FLT4: variants seen among roughly 807,000 people sequenced by gnomAD.
The protein encoded by FLT4 is vascular endothelial growth factor receptor 3.
FLT4 carries 30 observed loss-of-function variants against 163.2 expected under a neutral mutation model. The ratio of observed to expected loss-of-function variants is 0.18; its 90% confidence interval spans 0.14 to 0.25. The LOEUF (loss-of-function observed/expected upper bound fraction) is 0.25. Ranked by LOEUF, FLT4 falls within the 10% of genes least tolerant of loss-of-function variation. The pLI is 1.00. For synonymous variants in FLT4, 884 were observed against 789.5 expected (o/e 1.12, Z -2.01); for missense variants, 1,510 against 1,863.8 (o/e 0.81, Z 3.50).
rs751885535 is a variant in FLT4, at chr5:180,630,599, C to T, written c.356G>A (p.Arg119His). ...YVCYYKYIKARIEGTTAASSY... is the reference protein window; with the variant it reads ...YVCYYKYIKAHIEGTTAASSY... The stretch of plus-strand genomic sequence containing the variant: ...GCTGGCGGCCGTGGTGCCCTCGATG[C>T]GTGCCTTGATGTACTTGTAGTAGCA... The change falls in exon 3 of 30, where the codon CGC becomes CAC. Residue 119 changes from arginine (R) to histidine (H), a missense_variant. Transcript: ENST00000261937. The surrounding 1 kb of genome is among the most constrained non-coding windows in gnomAD (Gnocchi z 6.3). The T allele has an allele frequency of 1.5e-5, 25 of 1,612,910 alleles. No individual in the cohort carries two copies. The highest frequency in any genetic ancestry group is 4.0e-5 in the African/African-American group (3 of 74,912).
At position 180,630,042 on chromosome 5, in the gene FLT4, C is replaced by G. The variant is rs778477946; in HGVS notation, c.577G>C (p.Val193Leu). 1.2e-6 allele frequency: 2 copies of G among 1,612,782 alleles called. No individual in the cohort carries two copies. The highest frequency in any genetic ancestry group is 1.7e-6 in the Non-Finnish European group (2 of 1,179,990). Residue 193 changes from valine to leucine, a missense_variant, in exon 5 of 30, where the codon GTG (valine) becomes CTG (leucine). By Grantham distance (32) the Val-to-Leu change is conservative. Around this residue, in one of 5 missense-constraint regions of FLT4, gnomAD observed 163 missense variants for 281.1 expected, o/e 0.58. Transcript: ENST00000261937. This position sits in a 1 kb window ranked among gnomAD's most constrained non-coding sequence, Gnocchi z 6.3. ...GCATCGTGCAGCAGTGGCGTGGACA[C>G]GAGCATGCCCCGCCGGTCATCCCAC... The part of the protein sequence containing the change: ...VVWDDRRGML[V>L]STPLLHDALY...
At chr5:180,614,878 C>A (rs1383913209) in intron 23 of FLT4, among the ~76,000 whole-genome samples, 1 of 152,174 alleles carries the variant, frequency 6.6e-6, no homozygotes, top group Non-Finnish European at 1.5e-5. Context: ...CCTCTGACAC[C>A]CTTTCTCCCC....
In FLT4 at chr5:180,629,122, G is replaced by GC. The variant is rs1763882895; in HGVS notation, c.986-124dup. ...TCCGCAGACTGGGGCTGGCCATGCC[G>GC]CCCGGTGCAGGAGCTGGGCAGCTCC... On this transcript the variant is annotated intron_variant, in intron 7 of 29. Coordinates refer to ENST00000261937, the MANE Select transcript of FLT4 (RefSeq NM_182925.5). The GC allele has an allele frequency of 4.2e-6, 6 of 1,442,886 alleles. No individual in the cohort carries two copies. The East Asian group carries it at 1.4e-4, about 33-fold the overall frequency. 89.4% of individuals were successfully genotyped at this position (1,442,886 alleles called of 1,614,324 possible).
chr5:180,620,335 G>A lies in FLT4; in HGVS notation c.2407-27C>T, dbSNP rs1328175914. The A allele has an allele frequency of 1.2e-6, 2 of 1,608,248 alleles. No homozygotes were observed. The highest frequency in any genetic ancestry group is 1.7e-6 in the Non-Finnish European group (2 of 1,179,864). On this transcript the variant is annotated intron_variant, in intron 16 of 29. Transcript: ENST00000261937. The surrounding 1 kb of genome is among the most constrained non-coding windows in gnomAD (Gnocchi z 4.4). Reference sequence around the variant, plus strand: ...TGCGGGGAGGGGACAGGGAGGAGTGGGGCAGCTCACTGATTTGGCCATACC... The same window carrying A: ...TGCGGGGAGGGGACAGGGAGGAGTGAGGCAGCTCACTGATTTGGCCATACC...
At chr5:180,606,888 T>A (rs1172443809) in intron 29 of FLT4, among the ~76,000 whole-genome samples, 64 of 101,350 alleles carry the variant, frequency 6.3e-4, no homozygotes, top group Non-Finnish European at 2.0e-4. Flanking sequence ...AAACCCCGTC[T>A]CTACTAAAAA....
At position 180,630,115 on chromosome 5, in the gene FLT4, C is replaced by T; in HGVS notation, c.514-10G>A. The T allele has an allele frequency of 1.2e-6, 2 of 1,612,026 alleles. No homozygotes were observed. Among genetic ancestry groups the T allele is most frequent in the Non-Finnish European group, 1.7e-6 (2 of 1,179,686 alleles). ...ACAGCACCGAGCTTTGCTGGAGGGACAAGGCCACCATCATTGCCCAGCTGC... is the reference window on the plus strand; with the variant it reads ...ACAGCACCGAGCTTTGCTGGAGGGATAAGGCCACCATCATTGCCCAGCTGC... On this transcript the variant is annotated splice_polypyrimidine_tract_variant and intron_variant, in intron 4 of 29. Transcript: ENST00000261937. The surrounding 1 kb of genome is among the most constrained non-coding windows in gnomAD (Gnocchi z 6.3).
At chr5:180,638,694 T>C (rs1006780681) in intron 1 of FLT4, among the ~76,000 whole-genome samples, 3 of 152,172 alleles carry the variant, frequency 2.0e-5, no homozygotes, top group African/African-American at 4.8e-5. Context: ...TGCCTCCAGA[T>C]TGTTCTGTGC....
At chr5:180,638,166 G>C (rs755443753) in intron 1 of FLT4, among the ~76,000 whole-genome samples, 5 of 152,162 alleles carry the variant, frequency 3.3e-5, no homozygotes, top group Non-Finnish European at 7.3e-5. Context: ...ACACCTCCCA[G>C]GTCTCTAGCT....
intron 1 of FLT4, among the ~76,000 whole-genome samples, chr5:180,641,048 C>A (rs1176492850): frequency 6.6e-6 from 1 of 152,178 alleles, no homozygotes; most frequent in Non-Finnish European, 1.5e-5. Context: ...GCCCTGCCCT[C>A]GCCTTGCCAT....
At chr5:180,605,048 C>T (rs990927615) in intron 29 of FLT4, among the ~76,000 whole-genome samples, 3 of 152,238 alleles carry the variant, frequency 2.0e-5, no homozygotes, top group Non-Finnish European at 4.4e-5. Context: ...GCATCCTCGA[C>T]CTTCTGGGCT....
chr5:180,611,234 G>T (rs993753249), intron 27 of FLT4, 97 bp downstream of exon 27: 1 of 1,392,100 alleles, frequency 7.2e-7, no homozygotes, highest in Non-Finnish European at 9.9e-7. Context: ...CTCTGACGTC[G>T]CATGATTTGC....
intron 1 of FLT4, among the ~76,000 whole-genome samples, chr5:180,640,287 C>T (rs771236153): frequency 2.6e-4 from 39 of 152,330 alleles, no homozygotes; most frequent in Middle Eastern, 6.8e-3. Context: ...GCCAGGTCAG[C>T]GAGTGAGGAA....
chr5:180,611,156 C>T (rs1052344780), intron 27 of FLT4, among the ~76,000 whole-genome samples, 175 bp downstream of exon 27: 5 of 152,050 alleles, frequency 3.3e-5, no homozygotes, highest in Admixed American at 6.5e-5. Context: ...CCAGGCCACA[C>T]GGCCGTGGAA....
rs776495740 is a variant in FLT4 at position 180,630,207 on chromosome 5, G to A, written c.513+18C>T. ...TGGGATGGGAGGGTCGGATGCTGGG[G>A]TTGGGGTGGGGCCGTACCGAGCGCA... On this transcript the variant is annotated intron_variant, in intron 4 of 29. Coordinates refer to ENST00000261937, the MANE Select transcript of FLT4 (RefSeq NM_182925.5). This position sits in a 1 kb window ranked among gnomAD's most constrained non-coding sequence, Gnocchi z 6.3. 36 of 1,609,776 alleles carry A rather than the reference G, an allele frequency of 2.2e-5. No individual in the cohort carries two copies. Among genetic ancestry groups the A allele is most frequent in the South Asian group, 1.5e-4 (14 of 91,034 alleles).
intron 29 of FLT4, chr5:180,608,014 A>G: frequency 5.8e-6 from 4 of 686,962 alleles, no homozygotes; most frequent in Non-Finnish European, 1.1e-5. Context: ...GGAGTCAGGG[A>G]ACACTCTGCT....
chr5:180,629,628 C>T (rs568103791), intron 6 of FLT4, 68 bp downstream of exon 6: 31 of 1,555,426 alleles, frequency 2.0e-5, no homozygotes, highest in Non-Finnish European at 8.8e-6. Context: ...ACGCGGAGGC[C>T]CAGTGTGTGC....
At chr5:180,605,857 G>A (rs1465494961) in intron 29 of FLT4, among the ~76,000 whole-genome samples, 11 of 152,184 alleles carry the variant, frequency 7.2e-5, no homozygotes, top group African/African-American at 1.2e-4. Flanking sequence ...CTATAGGTAC[G>A]GGCTCTGGCA....
rs1342679488 is a variant in FLT4 at position 180,624,018 on chromosome 5, A to T, written c.1465T>A (p.Trp489Arg). The change falls in exon 11 of 30, where the codon TGG becomes AGG. Residue 489 changes from tryptophan to arginine, a missense_variant. Transcript: ENST00000261937. ...QQDLMPQCRD[W>R]RAVTTQDAVN... is the part of the protein sequence containing the mutation. The stretch of plus-strand genomic sequence containing the variant: ...GCATCCTGCGTGGTCACCGCCCTCC[A>T]GTCACGGCACTGTGGCATGAGGTCT... 6.2e-7 allele frequency: 1 copy of T among 1,613,280 alleles called. No homozygotes were observed. Among genetic ancestry groups the T allele is most frequent in the Non-Finnish European group, 8.5e-7 (1 of 1,179,986 alleles).
At chr5:180,618,683 G>T in intron 21 of FLT4, 87 bp downstream of exon 21, 3 of 801,130 alleles carry the variant, frequency 3.7e-6, no homozygotes, top group Non-Finnish European at 5.6e-6. Flanking sequence ...GAAAGCCCCC[G>T]CTGAGGACCC....
Sources: allele counts gnomAD v4.1 joint callset (sites outside exome capture counted in the v4.1 genomes callset), GRCh38; gene constraint gnomAD v4.1.1; regional missense constraint gnomAD v4.1.1; non-coding constraint Gnocchi (gnomAD v3.1); transcripts MANE v1.5; gene names NCBI Gene and HGNC (gene_info 2026-07-23, HGNC 2026-07-21).